Variants in RAB3C observed in about 807,000 individuals in gnomAD.
RAB3C encodes the protein ras-related protein Rab-3C.
In RAB3C, 17 loss-of-function variants were observed where a neutral mutation model predicts 26.4. That is an observed-to-expected ratio of 0.64 (90% CI 0.44 to 0.97). The LOEUF is 0.97. Among genes scored for constraint, RAB3C ranks in the 50% least tolerant of loss-of-function variants. The pLI, the probability that RAB3C is intolerant of heterozygous loss-of-function variation, is 0.00. For synonymous variants in RAB3C, 91 were observed against 95.9 expected (o/e 0.95, Z 0.30); for missense variants, 242 against 281.9 (o/e 0.86, Z 1.01).
At chr5:58,836,149 A>C (rs555167867) in intron 4 of RAB3C, among the ~76,000 whole-genome samples, 11 of 152,340 alleles carry the variant, frequency 7.2e-5, no homozygotes, top group African/African-American at 2.6e-4. Context: ...TATCAATAGA[A>C]AAAATACCCT....
intron 2 of RAB3C, among the ~76,000 whole-genome samples, chr5:58,675,924 GC>G (rs536224766): frequency 1.3e-5 from 2 of 151,456 alleles, no homozygotes; most frequent in Admixed American, 6.6e-5. Flanking sequence ...CTTTCAGCAG[GC>G]CCCAGCTGGC....
intron 2 of RAB3C, among the ~76,000 whole-genome samples, chr5:58,638,668 A>G (rs572724959): frequency 1.4e-4 from 22 of 152,344 alleles, no homozygotes; most frequent in Non-Finnish European, 3.1e-4. Flanking sequence ...ACAGAGAAAC[A>G]AAGTTCAGAA....
chr5:58,682,896 G>A (rs563387103), intron 2 of RAB3C, among the ~76,000 whole-genome samples: 2 of 152,220 alleles, frequency 1.3e-5, no homozygotes, highest in Non-Finnish European at 2.9e-5. Context: ...TTGCAAGTTT[G>A]CAAAATTATA....
At chr5:58,694,692 G>A (rs189666695) in intron 2 of RAB3C, among the ~76,000 whole-genome samples, 1 of 152,322 alleles carries the variant, frequency 6.6e-6, no homozygotes, top group East Asian at 1.9e-4. Flanking sequence ...CAGTGATGAT[G>A]AGCATTTTTT....
At chr5:58,835,314 A>G (rs995153209) in intron 4 of RAB3C, among the ~76,000 whole-genome samples, 1 of 152,034 alleles carries the variant, frequency 6.6e-6, no homozygotes, top group East Asian at 1.9e-4. Context: ...GTTCTTTCCT[A>G]TACTCCTTCT....
chr5:58,772,517 G>C (rs1390373924), intron 3 of RAB3C, among the ~76,000 whole-genome samples: 1 of 152,204 alleles, frequency 6.6e-6, no homozygotes, highest in Non-Finnish European at 1.5e-5. Flanking sequence ...ACTATGGACA[G>C]AGGTGGACAG....
intron 4 of RAB3C, among the ~76,000 whole-genome samples, chr5:58,839,030 C>A (rs1444157920): frequency 6.6e-6 from 1 of 151,830 alleles, no homozygotes; most frequent in East Asian, 1.9e-4. Flanking sequence ...TCCCTGCTTA[C>A]TTTTGGTTTC....
At chr5:58,770,314 A>G (rs535558330) in intron 3 of RAB3C, among the ~76,000 whole-genome samples, 2 of 152,302 alleles carry the variant, frequency 1.3e-5, no homozygotes, top group African/African-American at 4.8e-5. Flanking sequence ...ATAATCACTG[A>G]AACAGCTTGA....
chr5:58,748,160 T>C (rs1482989644), intron 3 of RAB3C, among the ~76,000 whole-genome samples: 1 of 150,824 alleles, frequency 6.6e-6, no homozygotes, highest in African/African-American at 2.4e-5. Flanking sequence ...CATAAGCCAT[T>C]CCACATTACC....
At chr5:58,594,851 C>CTTTTTTTTTTTTTTTTTTTTTTT (rs368470766) in intron 1 of RAB3C, among the ~76,000 whole-genome samples, 1 of 133,218 alleles carries the variant, frequency 7.5e-6, no homozygotes, top group Non-Finnish European at 1.6e-5. Context: ...AACATGTAGG[C>CTTTTTTTTTTTTTTTTTTTTTTT]TTTTTTTTTT....
In RAB3C at chr5:58,852,940, C is replaced by G. The variant is rs1023698647; in HGVS notation, c.*1589C>G. On this transcript the variant is annotated 3_prime_UTR_variant, in exon 5 of 5. Coordinates refer to ENST00000282878, the MANE Select transcript of RAB3C (RefSeq NM_138453.4). The stretch of plus-strand genomic sequence containing the variant: ...GAAACAGGCATACATCTAAAGATAT[C>G]TTTGGAGAATAAATCCTTACAAGTC... 4 of 152,136 alleles carry G rather than the reference C, an allele frequency of 2.6e-5. No individual in the cohort carries two copies. Among genetic ancestry groups the G allele is most frequent in the Non-Finnish European group, 5.9e-5 (4 of 68,034 alleles). 9.4% of individuals were successfully genotyped at this position (152,136 alleles called of 1,614,324 possible).
At chr5:58,596,646 A>C (rs548919703) in intron 1 of RAB3C, among the ~76,000 whole-genome samples, 1,758 of 76,548 alleles carry the variant, frequency 0.023, 96 homozygotes, top group African/African-American at 0.092. Flanking sequence ...TAAATATATA[A>C]TATATAATAC....
At chr5:58,850,766 G>A (rs1427458406) in intron 4 of RAB3C, among the ~76,000 whole-genome samples, 2 of 152,184 alleles carry the variant, frequency 1.3e-5, no homozygotes, top group African/African-American at 4.8e-5. Flanking sequence ...TGCGCTAGGG[G>A]TTGAGGGAAG....
At chr5:58,681,228 T>G (rs868566088) in intron 2 of RAB3C, among the ~76,000 whole-genome samples, 3 of 152,176 alleles carry the variant, frequency 2.0e-5, no homozygotes, top group Non-Finnish European at 4.4e-5. Flanking sequence ...ATTAAAAAAT[T>G]TAATCGACAA....
chr5:58,696,735 G>T (rs1301601706), intron 2 of RAB3C, among the ~76,000 whole-genome samples: 4 of 152,106 alleles, frequency 2.6e-5, no homozygotes, highest in Non-Finnish European at 5.9e-5. Flanking sequence ...TTCTCTGATG[G>T]TAGTTTGTAT....
intron 2 of RAB3C, among the ~76,000 whole-genome samples, chr5:58,658,502 G>T (rs1176925519): frequency 6.6e-6 from 1 of 152,198 alleles, no homozygotes; most frequent in Non-Finnish European, 1.5e-5. Flanking sequence ...TGATTTAGCA[G>T]CCTACTGGAA....
intron 2 of RAB3C, among the ~76,000 whole-genome samples, chr5:58,626,148 G>A (rs183636161): frequency 4.6e-5 from 7 of 152,210 alleles, no homozygotes; most frequent in Middle Eastern, 3.4e-3. Flanking sequence ...CAAACTGTCC[G>A]TCTTCATGTT....
chr5:58,698,407 G>A (rs1386371815), intron 2 of RAB3C, among the ~76,000 whole-genome samples: 2 of 151,920 alleles, frequency 1.3e-5, no homozygotes, highest in African/African-American at 4.8e-5. Flanking sequence ...TGTGTCTTGG[G>A]GTTGCTCTTC....
chr5:58,676,785 T>C (rs1423804194), intron 2 of RAB3C, among the ~76,000 whole-genome samples: 1 of 152,180 alleles, frequency 6.6e-6, no homozygotes, highest in African/African-American at 2.4e-5. Flanking sequence ...TTGTTTTACA[T>C]TGTTTTGTTT....
Sources: gnomAD v4.1 joint callset for allele counts (sites outside exome capture counted in the v4.1 genomes callset) on GRCh38, gnomAD v4.1.1 for gene constraint, MANE v1.5 for transcripts, NCBI Gene and HGNC (gene_info 2026-07-23, HGNC 2026-07-21) for gene names.